ITPR2: variants seen among roughly 807,000 people sequenced by gnomAD.
The protein encoded by ITPR2 is inositol 1,4,5-trisphosphate receptor type 2.
Under a neutral mutation model 317.1 loss-of-function variants are expected in ITPR2, and 207 were observed. The ratio of observed to expected loss-of-function variants is 0.65; its 90% CI spans 0.58 to 0.73. The LOEUF (loss-of-function observed/expected upper bound fraction) is 0.73, where lower values mean the gene tolerates loss of function less well. Among genes scored for constraint, ITPR2 ranks in the 30% least tolerant of loss-of-function variants. ITPR2 has a pLI of 0.00. For missense variants in ITPR2, 2,613 were observed against 3,284.0 expected, an observed-to-expected ratio of 0.80 and a Z score of 4.99; for synonymous variants, 1,156 against 1,149.1, an observed-to-expected ratio of 1.01 and a Z score of -0.12.
intron 9 of ITPR2, among the ~76,000 whole-genome samples, chr12:26,696,595 T>C (rs1035198016): frequency 3.3e-5 from 5 of 152,080 alleles, no homozygotes; most frequent in Admixed American, 2.6e-4. Flanking sequence ...CCCAATCTCA[T>C]TAAGAACTAA....
At chr12:26,650,613 AT>A (rs1591997958) in intron 21 of ITPR2, among the ~76,000 whole-genome samples, 1 of 152,212 alleles carries the variant, frequency 6.6e-6, no homozygotes, top group Admixed American at 6.5e-5. Context: ...CTAAAAAAAA[AT>A]GTCTTTAATA....
At chr12:26,473,357 C>T (rs573567293) in intron 45 of ITPR2, among the ~76,000 whole-genome samples, 1 of 152,242 alleles carries the variant, frequency 6.6e-6, no homozygotes, top group African/African-American at 2.4e-5. Context: ...GCTGGCCAAT[C>T]TGTCACTCTG....
intron 2 of ITPR2, among the ~76,000 whole-genome samples, chr12:26,770,749 C>T (rs1234261777): frequency 1.3e-5 from 2 of 152,190 alleles, no homozygotes; most frequent in East Asian, 3.8e-4. Context: ...CCTCAGGCTC[C>T]TTGCAGCAAC....
Position 26,443,586 on chromosome 12 carries a change from T to A in ITPR2, c.6407A>T (p.Asp2136Val). Residue 2136 changes from aspartate (D) to valine (V), a missense_variant, in exon 46 of 57, where the codon GAT becomes GTT. Around this residue, in one of 9 missense-constraint regions of ITPR2, gnomAD observed 926 missense variants for 1,072.8 expected, o/e 0.86. Transcript: ENST00000381340. ...LKPGSDPDEG[D>V]EALKYYANHT... ...GTTGGCATAATACTTTAAGGCTTCA[T>A]CTCCTTCATCTGGATCCGATCCTGG... 1.2e-6 allele frequency: 2 copies of A among 1,613,098 alleles called. No homozygotes were observed. The highest frequency in any genetic ancestry group is 1.7e-6 in the Non-Finnish European group (2 of 1,179,248).
chr12:26,755,249 C>A (rs1949499713), intron 2 of ITPR2, among the ~76,000 whole-genome samples: 1 of 152,092 alleles, frequency 6.6e-6, no homozygotes, highest in Non-Finnish European at 1.5e-5. Flanking sequence ...CAACTGTTAT[C>A]TTGTTTTGGT....
chr12:26,555,725 T>C (rs540265565), intron 36 of ITPR2, among the ~76,000 whole-genome samples: 1 of 152,018 alleles, frequency 6.6e-6, no homozygotes, highest in East Asian at 1.9e-4. Context: ...TGAGTCTTAC[T>C]AACCCTGCAC....
At position 26,686,491 on chromosome 12, in the gene ITPR2, G is replaced by A. The variant is rs775555855; in HGVS notation, c.1138C>T (p.Leu380=). ...CATAATTTTTTTTACCTTGGAACCA[G>A]GCAGTCAGCTCTCTGAAGAGTTGTG... ...DATTLQRADC[L]VPRNSYVRLR... is the part of the protein sequence containing the mutation. Residue 380 remains leucine, a synonymous_variant, in exon 11 of 57, where the codon CTG becomes TTG. Coordinates refer to ENST00000381340, the MANE Select transcript of ITPR2 (RefSeq NM_002223.4). 4.4e-6 allele frequency: 7 copies of A among 1,577,444 alleles called. No homozygotes were observed. The African/African-American group carries it at 9.5e-5, about 21-fold the overall frequency.
chr12:26,792,563 C>G (rs1012150717), intron 1 of ITPR2, among the ~76,000 whole-genome samples: 23 of 151,952 alleles, frequency 1.5e-4, no homozygotes, highest in Non-Finnish European at 3.4e-4. Context: ...ACATTTTCTT[C>G]TATCTACTTG....
intron 1 of ITPR2, among the ~76,000 whole-genome samples, chr12:26,827,453 C>A (rs1242984880): frequency 2.6e-5 from 4 of 152,144 alleles, no homozygotes; most frequent in Non-Finnish European, 5.9e-5. Flanking sequence ...ACCTGAGAAG[C>A]TGGGCCACTA....
chr12:26,614,769 A>C (rs1406476163), intron 26 of ITPR2, among the ~76,000 whole-genome samples: 1 of 152,222 alleles, frequency 6.6e-6, no homozygotes, highest in Non-Finnish European at 1.5e-5. Context: ...CAGAGAAAAA[A>C]AATCAGTGGT....
intron 34 of ITPR2, among the ~76,000 whole-genome samples, chr12:26,573,558 A>G (rs1378949424): frequency 1.3e-5 from 2 of 152,210 alleles, no homozygotes; most frequent in Non-Finnish European, 2.9e-5. Flanking sequence ...TAAGATGATA[A>G]GGAGCAGGAA....
chr12:26,492,311 C>T (rs1942824845), intron 39 of ITPR2, among the ~76,000 whole-genome samples: 1 of 152,104 alleles, frequency 6.6e-6, no homozygotes, highest in South Asian at 2.1e-4. Flanking sequence ...TGGGAGCTGG[C>T]TTATTCCCCA....
intron 37 of ITPR2, among the ~76,000 whole-genome samples, chr12:26,517,647 G>A (rs1280063384): frequency 2.0e-5 from 3 of 152,178 alleles, no homozygotes; most frequent in Non-Finnish European, 4.4e-5. Flanking sequence ...AGACCAGCCT[G>A]GCCAACATGG....
At chr12:26,801,394 T>C (rs151320069) in intron 1 of ITPR2, 1 of 153,812 alleles carries the variant, frequency 6.5e-6, no homozygotes, top group African/African-American at 2.4e-5. Context: ...GCATCAGGAC[T>C]GCCCTCATCA....
At chr12:26,512,739 C>A (rs555766008) in intron 37 of ITPR2, among the ~76,000 whole-genome samples, 17 of 152,040 alleles carry the variant, frequency 1.1e-4, no homozygotes, top group African/African-American at 3.1e-4. Flanking sequence ...TTAACCTTGG[C>A]AAAATAAACT....
In ITPR2 at chr12:26,832,829, C is replaced by T. The variant is rs1333748313; in HGVS notation, c.-48G>A. 2.8e-6 allele frequency: 4 copies of T among 1,438,776 alleles called. No homozygotes were observed. The South Asian group carries it at 3.5e-5, about 13-fold the overall frequency. The allele number at this position is 1,438,776 out of a possible 1,614,324, so 89.1% of individuals were successfully genotyped here. A position where few individuals can be genotyped will look rare whatever the true frequency, so the allele number is the denominator to read the frequency against. ...ACGTCCCTCTTCTTCCCTGCGCCCT[C>T]GCCGCCCTCTCTCCAGGGAGCCGCC... is the stretch of plus-strand genomic sequence containing the variant. On this transcript the variant is annotated 5_prime_UTR_variant, in exon 1 of 57. Coordinates refer to ENST00000381340, the MANE Select transcript of ITPR2 (RefSeq NM_002223.4).
At chr12:26,481,627 C>T (rs1283623599) in intron 42 of ITPR2, among the ~76,000 whole-genome samples, 1 of 152,106 alleles carries the variant, frequency 6.6e-6, no homozygotes, top group Non-Finnish European at 1.5e-5. Flanking sequence ...AAGAATTTTC[C>T]CATTTATGAA....
rs1182304349 is a variant in ITPR2 at position 26,684,372 on chromosome 12, A to G, written c.1149-1699T>C. Among the ~76,000 whole-genome samples, 7 of 152,224 alleles carry G rather than the reference A, an allele frequency of 4.6e-5. No homozygotes were observed. The East Asian group carries it at 1.3e-3, about 29-fold the overall frequency. On this transcript the variant is annotated intron_variant, in intron 11 of 56. Transcript: ENST00000381340. ...TGATTTCATTGGTCTCAGTGTGGCC[A>G]GGGCATGGTGAGGTGTCAACAATAC... is the stretch of plus-strand genomic sequence containing the variant.
intron 34 of ITPR2, among the ~76,000 whole-genome samples, chr12:26,578,179 T>A (rs187043837): frequency 1.5e-3 from 214 of 146,304 alleles, no homozygotes; most frequent in African/African-American, 4.9e-3. Flanking sequence ...TAACTTTCTC[T>A]CTCTCTCTCT....
Sources: gnomAD v4.1 joint callset for allele counts (sites outside exome capture counted in the v4.1 genomes callset) on GRCh38, gnomAD v4.1.1 for gene constraint, gnomAD v4.1.1 regional missense constraint, MANE v1.5 for transcripts, NCBI Gene and HGNC (gene_info 2026-07-23, HGNC 2026-07-21) for gene names.